The following AFF3 variants were observed in gnomAD, a reference collection of about 807,000 sequenced individuals.
AFF3 encodes the protein AF4/FMR2 family member 3.
In AFF3, 32 loss-of-function variants were observed where a neutral mutation model predicts 129.7. The observed-to-expected ratio is 0.25, with a 90% confidence interval of 0.19 to 0.33. The LOEUF (loss-of-function observed/expected upper bound fraction) is 0.33. Among genes scored for constraint, AFF3 ranks in the 10% least tolerant of loss-of-function variants. The probability of loss-of-function intolerance (pLI) is 1.00; values close to 1 mark genes in which losing one functional copy is unlikely to be tolerated. For missense variants in AFF3, 1,373 were observed against 1,592.0 expected (o/e 0.86, Z 2.34); for synonymous variants, 644 against 635.4 (o/e 1.01, Z -0.20).
At chr2:100,028,944 T>A (rs1157141238) in intron 4 of AFF3, among the ~76,000 whole-genome samples, 1 of 151,186 alleles carries the variant, frequency 6.6e-6, no homozygotes. Flanking sequence ...GAGAGCGGGG[T>A]CTTGGAGAGA....
At chr2:100,078,384 T>C (rs1301778434) in intron 4 of AFF3, among the ~76,000 whole-genome samples, 1 of 152,212 alleles carries the variant, frequency 6.6e-6, no homozygotes, top group Non-Finnish European at 1.5e-5. Context: ...TTTATTTATT[T>C]ATTTTTTTGA....
chr2:100,032,256 T>C (rs907353461), intron 4 of AFF3, among the ~76,000 whole-genome samples: 3 of 152,040 alleles, frequency 2.0e-5, no homozygotes, highest in African/African-American at 7.2e-5. Flanking sequence ...TGAAACCCCG[T>C]CTCTACTAAA....
rs150775044 is a variant in AFF3 at position 100,132,967 on chromosome 2, T to G, written c.-227-3661A>C. Among the ~76,000 whole-genome samples the G allele has an allele frequency of 5.9e-3, 902 of 151,872 alleles. 14 individuals carry two copies. The highest frequency in any genetic ancestry group is 0.021 in the African/African-American group (864 of 41,456). On this transcript the variant is annotated intron_variant, in intron 1 of 24. Coordinates refer to ENST00000672756, the MANE Select transcript of AFF3 (RefSeq NM_001386135.1). ...TTTTTAGATACGGGGTTTTGCTTTG[T>G]CTTGCAGGCTGGAGTGCAGAGGTGT...
intron 7 of AFF3, among the ~76,000 whole-genome samples, chr2:99,978,387 C>T (rs1679083198): frequency 6.6e-6 from 1 of 152,040 alleles, no homozygotes; most frequent in African/African-American, 2.4e-5. Context: ...CTTAACATTG[C>T]CAATGCCTAA....
rs914228769 is a variant in AFF3, at chr2:99,644,238, G to T, written c.1184+5388C>A. Among the ~76,000 whole-genome samples, 8 of 152,130 alleles carry T rather than the reference G, an allele frequency of 5.3e-5. 1 individual carries two copies. The highest frequency in any genetic ancestry group is 1.9e-4 in the African/African-American group (8 of 41,420). ...TAAAAATGTAGCCGTTGCTGGAGTC[G>T]CAGGCTGACATTTCAGATGATTATA... On this transcript the variant is annotated intron_variant, in intron 13 of 24. Coordinates refer to ENST00000672756, the MANE Select transcript of AFF3 (RefSeq NM_001386135.1).
rs187332571 is a variant in AFF3 at position 99,616,307 on chromosome 2, C to T, written c.1185-14686G>A. ...CCATCCTCATGGAAACTCCATAATCCATATGGCAGTAACACTCTACCAGAG... is the reference window on the plus strand; with the variant it reads ...CCATCCTCATGGAAACTCCATAATCTATATGGCAGTAACACTCTACCAGAG... On this transcript the variant is annotated intron_variant, in intron 13 of 24. Coordinates refer to ENST00000672756, the MANE Select transcript of AFF3 (RefSeq NM_001386135.1). Among the ~76,000 whole-genome samples the T allele has an allele frequency of 1.1e-4, 16 of 152,140 alleles. No individual in the cohort carries two copies. In the East Asian group the frequency reaches 3.1e-3, roughly 29 times the overall value.
intron 8 of AFF3, among the ~76,000 whole-genome samples, chr2:99,774,221 A>T (rs1022437399): frequency 7.9e-5 from 12 of 152,362 alleles, no homozygotes; most frequent in East Asian, 5.8e-4. Context: ...TCTTCACAGA[A>T]TTAGAAAAAA....
At position 99,551,155 on chromosome 2, in the gene AFF3, T is replaced by G. The variant is rs1674375883; in HGVS notation, c.*319A>C. On this transcript the variant is annotated 3_prime_UTR_variant, in exon 25 of 25. Transcript: ENST00000672756. Reference sequence around the variant, plus strand: ...TCTGTGATTGTGTGTGAGTGTACGGTGTGTGTGTGTGTGTGTGTGTGTGTG... The same window carrying G: ...TCTGTGATTGTGTGTGAGTGTACGGGGTGTGTGTGTGTGTGTGTGTGTGTG... 3.8e-5 allele frequency: 3 copies of G among 78,348 alleles called. No homozygotes were observed. Among genetic ancestry groups the G allele is most frequent in the East Asian group, 2.1e-4 (2 of 9,618 alleles). The allele number at this position is 78,348 out of a possible 1,614,324, so 4.9% of individuals were successfully genotyped here.
chr2:99,601,126 C>A (rs1326034952), intron 14 of AFF3, among the ~76,000 whole-genome samples: 1 of 152,180 alleles, frequency 6.6e-6, no homozygotes, highest in African/African-American at 2.4e-5. Flanking sequence ...CAAGGGAGAC[C>A]TGAGCCATAG....
intron 7 of AFF3, among the ~76,000 whole-genome samples, chr2:99,844,959 TA>T (rs370587161): frequency 2.2e-3 from 316 of 141,760 alleles, no homozygotes; most frequent in Middle Eastern, 3.6e-3. Flanking sequence ...ACCAATACAC[TA>T]AAAAAAAAAA....
At chr2:99,815,391 A>G (rs1558876833) in intron 8 of AFF3, among the ~76,000 whole-genome samples, 1 of 152,242 alleles carries the variant, frequency 6.6e-6, no homozygotes, top group Non-Finnish European at 1.5e-5. Flanking sequence ...CATACTCATT[A>G]AACAATATGT....
At chr2:99,789,755 G>A (rs1685066241) in intron 8 of AFF3, among the ~76,000 whole-genome samples, 1 of 152,174 alleles carries the variant, frequency 6.6e-6, no homozygotes, top group Admixed American at 6.5e-5. Context: ...CTGCTTCCAT[G>A]GGAAGTTACA....
chr2:99,721,015 T>A (rs1678842385), intron 11 of AFF3, among the ~76,000 whole-genome samples: 1 of 152,232 alleles, frequency 6.6e-6, no homozygotes, highest in Non-Finnish European at 1.5e-5. Flanking sequence ...ATTTTGATTC[T>A]TACATTAATT....
intron 3 of AFF3, chr2:100,105,157 C>G (rs1381042916): frequency 3.5e-6 from 1 of 282,982 alleles, no homozygotes; most frequent in African/African-American, 2.3e-5. Context: ...CGCCCGCCCG[C>G]GCCCGGCCCC....
intron 19 of AFF3, 21 bp from the exon 20 acceptor site, chr2:99,565,644 A>G: frequency 6.2e-7 from 1 of 1,603,112 alleles, no homozygotes; most frequent in South Asian, 1.1e-5. Context: ...GAGTTAATAC[A>G]GTGTCTTCCT....
intron 4 of AFF3, among the ~76,000 whole-genome samples, chr2:100,080,560 G>A (rs1295532474): frequency 1.3e-5 from 2 of 152,074 alleles, no homozygotes; most frequent in South Asian, 2.1e-4. Flanking sequence ...CTTCTAAAGG[G>A]AGGGAGGGAG....
chr2:99,582,725 A>G lies in AFF3; in HGVS notation c.2793+73T>C. Reference sequence around the variant, plus strand: ...CTCAAGCATGTGTTCAGACTGTGCTAGGTTAGAGACAGAGCTTGGGGGTGC... The same window carrying G: ...CTCAAGCATGTGTTCAGACTGTGCTGGGTTAGAGACAGAGCTTGGGGGTGC... On this transcript the variant is annotated intron_variant, in intron 17 of 24. Coordinates refer to ENST00000672756, the MANE Select transcript of AFF3 (RefSeq NM_001386135.1). 2.0e-6 allele frequency: 3 copies of G among 1,508,202 alleles called. No homozygotes were observed. The Admixed American group carries it at 5.0e-5, about 25-fold the overall frequency. 93.4% of individuals were successfully genotyped at this position (1,508,202 alleles called of 1,614,324 possible). A position where few individuals can be genotyped will look rare whatever the true frequency, so the allele number is the denominator to read the frequency against.
At chr2:99,827,967 C>T (rs1030467197) in intron 8 of AFF3, among the ~76,000 whole-genome samples, 9 of 151,970 alleles carry the variant, frequency 5.9e-5, no homozygotes, top group South Asian at 2.1e-4. Context: ...CGGAGGGTGA[C>T]GAGGACAGTG....
At chr2:100,101,826 T>C (rs1690757702) in intron 4 of AFF3, among the ~76,000 whole-genome samples, 1 of 148,780 alleles carries the variant, frequency 6.7e-6, no homozygotes. Context: ...TACCCTATCT[T>C]CCCATCTTCA....
Sources: gnomAD v4.1 joint callset for allele counts (sites outside exome capture counted in the v4.1 genomes callset) on GRCh38, gnomAD v4.1.1 for gene constraint, MANE v1.5 for transcripts, NCBI Gene and HGNC (gene_info 2026-07-23, HGNC 2026-07-21) for gene names.